The following C1R variants were observed in gnomAD, a reference collection of about 807,000 sequenced individuals.
C1R encodes complement C1r subcomponent.
In C1R, 15 loss-of-function variants were observed where a neutral mutation model predicts 27.6. The observed-to-expected ratio is 0.54, with a 90% CI of 0.36 to 0.84. The LOEUF is 0.84. C1R is among the 40% of genes least tolerant of loss of function. The probability of loss-of-function intolerance (pLI) is 0.01; values close to 1 mark genes in which losing one functional copy is unlikely to be tolerated. For synonymous variants in C1R, 253 were observed against 228.8 expected, an observed-to-expected ratio of 1.11 and a Z score of -0.95; for missense variants, 544 against 577.9, an observed-to-expected ratio of 0.94 and a Z score of 0.60.
rs892458663 is a variant in C1R, at chr12:7,091,188, G to A, written c.231+264C>T. Reference sequence around the variant, plus strand: ...AAAGACTCTCAGCTAGACAGCAGATGGGGAAGGTTTTCCTGACTCAGTGGA... The same window carrying A: ...AAAGACTCTCAGCTAGACAGCAGATAGGGAAGGTTTTCCTGACTCAGTGGA... On this transcript the variant is annotated intron_variant, in intron 2 of 10. Transcript: ENST00000647956. This position sits in a 1 kb window ranked among gnomAD's most constrained non-coding sequence, Gnocchi z 5.1. 3 of 471,376 alleles carry A rather than the reference G, an allele frequency of 6.4e-6. No individual in the cohort carries two copies. Among genetic ancestry groups the A allele is most frequent in the East Asian group, 4.2e-5 (1 of 23,930 alleles). The allele number at this position is 471,376 out of a possible 1,614,324, so 29.2% of individuals were successfully genotyped here. A position where few individuals can be genotyped will look rare whatever the true frequency, so the allele number is the denominator to read the frequency against.
At chr12:7,092,208 C>G (rs1938292965) in intron 1 of C1R, 179 bp downstream of exon 1, 1 of 667,268 alleles carries the variant, frequency 1.5e-6, no homozygotes, top group East Asian at 2.7e-5. Context: ...TATGAAGTCT[C>G]CTCTGATCCC....
chr12:7,090,393 G>C (rs1244792964), intron 2 of C1R, 145 bp from the exon 3 acceptor site: 4 of 604,470 alleles, frequency 6.6e-6, no homozygotes, highest in Non-Finnish European at 1.2e-5. Flanking sequence ...GGGCTCAGCT[G>C]CTGCAAACTT....
Position 7,088,885 on chromosome 12 carries a change from A to G in C1R, c.870T>C (p.Asp290=), listed in dbSNP as rs1191073597. Residue 290 remains aspartate (D), a synonymous_variant, in exon 6 of 11, where the codon GAT becomes GAC. Coordinates refer to ENST00000647956, the MANE Select transcript of C1R (RefSeq NM_001733.7). The part of the protein sequence containing the change: ...SNAVDLLFFT[D]ESGDSRGWKL... Reference sequence around the variant, plus strand: ...TCCAGCCCCGGCTGTCCCCCGACTCATCTGTGAAGAACAGCAGATCCACAG... The same window carrying G: ...TCCAGCCCCGGCTGTCCCCCGACTCGTCTGTGAAGAACAGCAGATCCACAG... The G allele has an allele frequency of 2.6e-6, 2 of 776,894 alleles. No individual in the cohort carries two copies. Among genetic ancestry groups the G allele is most frequent in the African/African-American group, 1.7e-5 (1 of 58,818 alleles). 48.1% of individuals were successfully genotyped at this position (776,894 alleles called of 1,614,324 possible). A position where few individuals can be genotyped will look rare whatever the true frequency, so the allele number is the denominator to read the frequency against.
Position 7,091,382 on chromosome 12 carries a change from A to C in C1R, c.231+70T>G. The C allele has an allele frequency of 4.2e-6, 3 of 706,354 alleles. No individual in the cohort carries two copies. The highest frequency in any genetic ancestry group is 5.2e-6 in the Non-Finnish European group (2 of 382,518). The allele number at this position is 706,354 out of a possible 1,614,324, so 43.8% of individuals were successfully genotyped here. ...GGCTGGGCTGTGTCTGGGGGTGTGC[A>C]TGCCATACAGATCCCAGATCCCAGA... On this transcript the variant is annotated intron_variant, in intron 2 of 10. Coordinates refer to ENST00000647956, the MANE Select transcript of C1R (RefSeq NM_001733.7). The surrounding 1 kb of genome is among the most constrained non-coding windows in gnomAD (Gnocchi z 5.1).
At position 7,092,404 on chromosome 12, in the gene C1R, T is replaced by A. The variant is rs777292359; in HGVS notation, c.-16A>T. ...TTACTCACATTTCTCAAGGCCCGTG[T>A]TGAATCCTGGGCTCTCCCGACAGCG... On this transcript the variant is annotated 5_prime_UTR_variant, in exon 1 of 11. Coordinates refer to ENST00000647956, the MANE Select transcript of C1R (RefSeq NM_001733.7). 31 of 780,744 alleles carry A rather than the reference T, an allele frequency of 4.0e-5. No individual in the cohort carries two copies. The South Asian group carries it at 4.2e-4, about 10-fold the overall frequency. 48.4% of individuals were successfully genotyped at this position (780,744 alleles called of 1,614,324 possible). A position where few individuals can be genotyped will look rare whatever the true frequency, so the allele number is the denominator to read the frequency against.
chr12:7,082,147 G>C (rs775580498), intron 9 of C1R, 41 bp from the exon 10 acceptor site: 3 of 1,212,128 alleles, frequency 2.5e-6, no homozygotes, highest in Non-Finnish European at 3.5e-6. Context: ...GGGGGTGATG[G>C]GTAAGAAAAC....
At position 7,091,886 on chromosome 12, in the gene C1R, C is replaced by T. The variant is rs1938285192; in HGVS notation, c.3-206G>A. 1 of 691,690 alleles carries T rather than the reference C, an allele frequency of 1.4e-6. No homozygotes were observed. Among genetic ancestry groups the T allele is most frequent in the African/African-American group, 1.8e-5 (1 of 57,136 alleles). 42.8% of individuals were successfully genotyped at this position (691,690 alleles called of 1,614,324 possible). Reference sequence around the variant, plus strand: ...TGCTGCATCGGGTCACTCTCCAGGGCAGTGTCCAGTCCAGAGGCCACCACA... The same window carrying T: ...TGCTGCATCGGGTCACTCTCCAGGGTAGTGTCCAGTCCAGAGGCCACCACA... On this transcript the variant is annotated intron_variant, in intron 1 of 10. Transcript: ENST00000647956. This position sits in a 1 kb window ranked among gnomAD's most constrained non-coding sequence, Gnocchi z 5.1.
chr12:7,085,849 A>T lies in C1R; in HGVS notation c.1273+12T>A, dbSNP rs1938149578. 2.5e-6 allele frequency: 1 copy of T among 398,482 alleles called. No homozygotes were observed. The highest frequency in any genetic ancestry group is 4.4e-5 in the Admixed American group (1 of 22,710). The allele number at this position is 398,482 out of a possible 1,614,324, so 24.7% of individuals were successfully genotyped here. ...TGGAAGGGAGGAAATTTCCATTCGCATTGGTCCCTACCTTGCTCAGACTCC... is the reference window on the plus strand; with the variant it reads ...TGGAAGGGAGGAAATTTCCATTCGCTTTGGTCCCTACCTTGCTCAGACTCC... On this transcript the variant is annotated intron_variant, in intron 9 of 10. Coordinates refer to ENST00000647956, the MANE Select transcript of C1R (RefSeq NM_001733.7).
intron 10 of C1R, 73 bp from the exon 11 acceptor site, chr12:7,081,374 G>A: frequency 1.4e-6 from 2 of 1,402,366 alleles, no homozygotes; most frequent in Non-Finnish European, 2.0e-6. Context: ...CAGCCAGCCA[G>A]CTCCCTGTTT....
chr12:7,089,290 T>C lies in C1R; in HGVS notation c.768+3A>G, dbSNP rs111813850. 1.3e-6 allele frequency: 1 copy of C among 779,852 alleles called. No individual in the cohort carries two copies. The highest frequency in any genetic ancestry group is 1.7e-5 in the African/African-American group (1 of 59,098). The allele number at this position is 779,852 out of a possible 1,614,324, so 48.3% of individuals were successfully genotyped here. A position where few individuals can be genotyped will look rare whatever the true frequency, so the allele number is the denominator to read the frequency against. ...GGGTCTTTCAGGGGTAGGACGGCTG[T>C]ACCTGTAGCTGGTCATAGGGGCAGT... is the stretch of plus-strand genomic sequence containing the variant. On this transcript the variant is annotated splice_donor_region_variant and intron_variant, in intron 5 of 10. Coordinates refer to ENST00000647956, the MANE Select transcript of C1R (RefSeq NM_001733.7).
intron 7 of C1R, among the ~76,000 whole-genome samples, chr12:7,088,268 A>G (rs1401818576): frequency 1.3e-5 from 2 of 152,136 alleles, no homozygotes; most frequent in Non-Finnish European, 2.9e-5. Flanking sequence ...TTCAGGCTCT[A>G]CTCTAGATCA....
chr12:7,085,081 TG>T (rs1938125864), intron 9 of C1R, among the ~76,000 whole-genome samples: 1 of 141,452 alleles, frequency 7.1e-6, no homozygotes, highest in Non-Finnish European at 1.5e-5. Context: ...GTGGTGATGG[TG>T]GTGATGGTGG....
rs983661826 is a variant in C1R at position 7,086,946 on chromosome 12, G to A, written c.1039-489C>T. 9.6e-4 allele frequency: 147 copies of A among 152,674 alleles called. 1 individual carries two copies. In the Middle Eastern group the frequency reaches 0.023, roughly 24 times the overall value. 9.5% of individuals were successfully genotyped at this position (152,674 alleles called of 1,614,324 possible). On this transcript the variant is annotated intron_variant, in intron 7 of 10. Coordinates refer to ENST00000647956, the MANE Select transcript of C1R (RefSeq NM_001733.7). ...TTCCCTAAAATACTAGAGCCACCTC[G>A]CAGCTTTGAAAGGTGCTGGAGACGT...
chr12:7,085,732 T>C, intron 9 of C1R, 129 bp downstream of exon 9: 1 of 396,920 alleles, frequency 2.5e-6, no homozygotes, highest in East Asian at 3.6e-5. Context: ...CACTATAATT[T>C]AGGCCCCTGA....
intron 3 of C1R, 58 bp downstream of exon 3, chr12:7,089,997 TG>T (rs1938235914): frequency 1.4e-6 from 1 of 711,598 alleles, no homozygotes; most frequent in Non-Finnish European, 2.6e-6. Flanking sequence ...TTCCCTTTCT[TG>T]GCCCCCCATT....
chr12:7,088,789 C>G (rs1041922382), intron 6 of C1R, 50 bp downstream of exon 6: 9 of 774,582 alleles, frequency 1.2e-5, no homozygotes, highest in Non-Finnish European at 2.2e-5. Context: ...TCCTTCTTCC[C>G]CCCTTTTCCC....
rs1279276909 is a variant in C1R, at chr12:7,084,995, G to A, written c.1273+866C>T. Among the ~76,000 whole-genome samples, 22 of 148,916 alleles carry A rather than the reference G, an allele frequency of 1.5e-4. No individual in the cohort carries two copies. The South Asian group carries it at 3.1e-3, about 21-fold the overall frequency. ...TGGTGCTGATGATGGTGTTGGTGGT[G>A]ATGGTGGTGGTGATGGTGGTGTTGG... On this transcript the variant is annotated intron_variant, in intron 9 of 10. Transcript: ENST00000647956.
rs371821985 is a variant in C1R at position 7,089,416 on chromosome 12, G to A, written c.645C>T (p.Pro215=). The A allele has an allele frequency of 1.3e-6, 1 of 780,456 alleles. No homozygotes were observed. The highest frequency in any genetic ancestry group is 1.7e-5 in the Admixed American group (1 of 58,982). The allele number at this position is 780,456 out of a possible 1,614,324, so 48.3% of individuals were successfully genotyped here. A position where few individuals can be genotyped will look rare whatever the true frequency, so the allele number is the denominator to read the frequency against. ...ISSLEYPRSY[P]PDLRCNYSIR... is the part of the protein sequence containing the mutation. ...TGCTGTAGTTGCAGCGCAGGTCAGG[G>A]GGGTAGGACCGAGGGTACTCCAGGC... The change falls in exon 5 of 11, where the codon CCC becomes CCT. Residue 215 remains proline, a synonymous_variant. Transcript: ENST00000647956.
chr12:7,084,995 G>GATA (rs1232003367), intron 9 of C1R, among the ~76,000 whole-genome samples: 5 of 148,908 alleles, frequency 3.4e-5, no homozygotes, highest in East Asian at 3.9e-4. Flanking sequence ...TGTTGGTGGT[G>GATA]ATGGTGGTGG....
Sources: allele counts gnomAD v4.1 joint callset (sites outside exome capture counted in the v4.1 genomes callset), GRCh38; gene constraint gnomAD v4.1.1; non-coding constraint Gnocchi (gnomAD v3.1); transcripts MANE v1.5; gene names NCBI Gene and HGNC (gene_info 2026-07-23, HGNC 2026-07-21).